Variants in WDPCP observed in about 807,000 individuals in gnomAD.
The protein encoded by WDPCP is WD repeat-containing and planar cell polarity effector protein fritz homolog.
WDPCP carries 71 observed loss-of-function variants against 93.1 expected under a neutral mutation model. The observed-to-expected ratio is 0.76, with a 90% CI of 0.63 to 0.93. The LOEUF (loss-of-function observed/expected upper bound fraction) is 0.93. WDPCP is among the 40% of genes least tolerant of loss of function. The probability of loss-of-function intolerance (pLI) is 0.00; values close to 1 mark genes in which losing one functional copy is unlikely to be tolerated. For synonymous variants in WDPCP, 315 were observed against 315.0 expected (o/e 1.00, Z 0.00); for missense variants, 844 against 887.4 (o/e 0.95, Z 0.62).
intron 14 of WDPCP, among the ~76,000 whole-genome samples, chr2:63,252,121 G>A (rs1162767284): frequency 6.6e-6 from 1 of 152,150 alleles, no homozygotes; most frequent in Non-Finnish European, 1.5e-5. Flanking sequence ...GGGATGCAAG[G>A]TTGGTTCAAC....
chr2:63,661,887 AG>A (rs1229519399), intron 2 of WDPCP, among the ~76,000 whole-genome samples: 1 of 152,204 alleles, frequency 6.6e-6, no homozygotes, highest in African/African-American at 2.4e-5. Context: ...GGGAGCTTCC[AG>A]GTGGCAAAAA....
At chr2:63,423,985 A>G (rs1049324196) in intron 9 of WDPCP, among the ~76,000 whole-genome samples, 11 of 152,084 alleles carry the variant, frequency 7.2e-5, no homozygotes, top group Non-Finnish European at 1.6e-4. Context: ...GGATATAGAC[A>G]CGAAGCTGAA....
Position 63,636,586 on chromosome 2 carries a change from C to G in WDPCP, n.488+14073G>C, listed in dbSNP as rs1224228101. Among the ~76,000 whole-genome samples the G allele has an allele frequency of 2.0e-5, 3 of 152,156 alleles. No homozygotes were observed. The East Asian group carries it at 5.8e-4, about 29-fold the overall frequency. On this transcript the variant is annotated intron_variant and non_coding_transcript_variant, in intron 3 of 4. Transcript: ENST00000467687. ...ATGTATCTGGGACTACAGGTACATA[C>G]CACATGCCTGGCTAATCTTTTTTCA... is the stretch of plus-strand genomic sequence containing the variant.
chr2:63,309,167 G>A (rs565552585), intron 13 of WDPCP, among the ~76,000 whole-genome samples: 2 of 152,188 alleles, frequency 1.3e-5, no homozygotes, highest in African/African-American at 2.4e-5. Context: ...TTATTATTTG[G>A]ATAAGGGGTA....
At chr2:63,212,213 G>C (rs188926324) in intron 14 of WDPCP, among the ~76,000 whole-genome samples, 1 of 152,202 alleles carries the variant, frequency 6.6e-6, no homozygotes, top group Non-Finnish European at 1.5e-5. Context: ...AGGGCAACCA[G>C]AGAGAAATGT....
intron 17 of WDPCP, among the ~76,000 whole-genome samples, chr2:63,134,694 G>A (rs1670502375): frequency 6.6e-6 from 1 of 152,186 alleles, no homozygotes; most frequent in African/African-American, 2.4e-5. Flanking sequence ...GATGGCTTCT[G>A]ATTAAGTCAA....
intron 13 of WDPCP, among the ~76,000 whole-genome samples, chr2:63,269,578 C>T (rs1243940338): frequency 1.3e-5 from 2 of 152,118 alleles, no homozygotes; most frequent in African/African-American, 4.8e-5. Flanking sequence ...AATGGAGTTT[C>T]ATCTTAAATC....
At chr2:63,804,033 G>C (rs963459254) in intron 2 of WDPCP, among the ~76,000 whole-genome samples, 3 of 152,030 alleles carry the variant, frequency 2.0e-5, no homozygotes, top group Non-Finnish European at 4.4e-5. Flanking sequence ...TGCCTCTAGG[G>C]GGGAATTTTC....
chr2:63,800,142 G>A (rs1389048221), intron 2 of WDPCP, among the ~76,000 whole-genome samples: 3 of 151,952 alleles, frequency 2.0e-5, no homozygotes, highest in Non-Finnish European at 1.5e-5. Context: ...GGCATCTTAG[G>A]CTTTTAGAAT....
At chr2:63,591,893 TG>T (rs1000241824), upstream of WDPCP, among the ~76,000 whole-genome samples, 7 of 152,244 alleles carry the variant, frequency 4.6e-5, no homozygotes, top group Non-Finnish European at 8.8e-5. Context: ...CTACTCTGTT[TG>T]TTAGGTAATT....
intron 6 of WDPCP, among the ~76,000 whole-genome samples, chr2:63,466,770 T>C (rs1261596953): frequency 6.6e-6 from 1 of 152,210 alleles, no homozygotes; most frequent in East Asian, 1.9e-4. Context: ...TTGACACATA[T>C]GATTAACTAT....
At chr2:63,201,583 G>A (rs1559197973) in intron 14 of WDPCP, among the ~76,000 whole-genome samples, 1 of 152,048 alleles carries the variant, frequency 6.6e-6, no homozygotes, top group African/African-American at 2.4e-5. Flanking sequence ...CTTTTTTAAT[G>A]TTCTAGTAAA....
At chr2:63,297,048 G>A (rs1442894473) in intron 13 of WDPCP, among the ~76,000 whole-genome samples, 1 of 152,136 alleles carries the variant, frequency 6.6e-6, no homozygotes, top group Non-Finnish European at 1.5e-5. Flanking sequence ...TGTTCTGGAT[G>A]CCTACTGACT....
chr2:63,469,188 C>T (rs1699541229), intron 6 of WDPCP, among the ~76,000 whole-genome samples: 1 of 152,106 alleles, frequency 6.6e-6, no homozygotes, highest in Non-Finnish European at 1.5e-5. Context: ...ACTAAAAAGT[C>T]AAAACATAAC....
chr2:63,417,487 T>C (rs1695522931), intron 9 of WDPCP, among the ~76,000 whole-genome samples: 1 of 151,836 alleles, frequency 6.6e-6, no homozygotes. Context: ...ACCAATATTA[T>C]TAGAATGAAA....
At chr2:63,808,603 C>G (rs1049698684) in intron 2 of WDPCP, among the ~76,000 whole-genome samples, 1 of 152,220 alleles carries the variant, frequency 6.6e-6, no homozygotes, top group Non-Finnish European at 1.5e-5. Flanking sequence ...CTCGGCCTCC[C>G]GAGGTGCCGG....
chr2:63,218,748 A>T (rs1392093634), intron 14 of WDPCP, among the ~76,000 whole-genome samples: 1 of 152,002 alleles, frequency 6.6e-6, no homozygotes, highest in Non-Finnish European at 1.5e-5. Flanking sequence ...GTTGGCCAGG[A>T]TGGTCTTGAT....
chr2:63,735,390 C>A (rs1385487225), intron 2 of WDPCP, among the ~76,000 whole-genome samples: 1 of 152,126 alleles, frequency 6.6e-6, no homozygotes, highest in East Asian at 1.9e-4. Context: ...GGGACAAAAT[C>A]AGAGCATTTC....
chr2:63,226,296 C>G (rs942493504), intron 14 of WDPCP, among the ~76,000 whole-genome samples: 1 of 151,806 alleles, frequency 6.6e-6, no homozygotes, highest in African/African-American at 2.4e-5. Flanking sequence ...GGGATTCCTC[C>G]CTTCAATTGC....
Sources: allele counts gnomAD v4.1 joint callset (sites outside exome capture counted in the v4.1 genomes callset), GRCh38; gene constraint gnomAD v4.1.1; transcripts MANE v1.5; gene names NCBI Gene and HGNC (gene_info 2026-07-23, HGNC 2026-07-21).